UBE4B: variants seen among roughly 807,000 people sequenced by gnomAD.
UBE4B encodes the protein ubiquitination factor E4B, also known as ubiquitin conjugation factor E4 B.
Under a neutral mutation model 148.1 loss-of-function variants are expected in UBE4B, and 27 were observed. That is an observed-to-expected ratio of 0.18 (90% confidence interval 0.13 to 0.25). The LOEUF (loss-of-function observed/expected upper bound fraction) is 0.25. Ranked by LOEUF, UBE4B falls within the 10% of genes least tolerant of loss-of-function variation. The pLI is 1.00. For missense variants in UBE4B, 1,170 were observed against 1,662.4 expected, an observed-to-expected ratio of 0.70 and a Z score of 5.15; for synonymous variants, 596 against 619.3, an observed-to-expected ratio of 0.96 and a Z score of 0.56.
At chr1:10,043,469 C>T in intron 1 of UBE4B, among the ~76,000 whole-genome samples, 1 of 146,758 alleles carries the variant, frequency 6.8e-6, no homozygotes. Flanking sequence ...TCTTGTCACC[C>T]AGGCTGGAGT....
At chr1:10,127,091 C>T (rs1371178208) in intron 11 of UBE4B, among the ~76,000 whole-genome samples, 1 of 151,970 alleles carries the variant, frequency 6.6e-6, no homozygotes, top group African/African-American at 2.4e-5. Context: ...CTATCCAAGT[C>T]CTAGACAGGA....
intron 18 of UBE4B, 153 bp downstream of exon 18, chr1:10,145,192 A>G (rs1645849017): frequency 1.8e-6 from 1 of 548,456 alleles, no homozygotes; most frequent in African/African-American, 1.9e-5. Flanking sequence ...AAACTTGTTG[A>G]TACCTTACTT....
At chr1:10,067,813 C>T (rs1382724161) in intron 1 of UBE4B, among the ~76,000 whole-genome samples, 2 of 151,976 alleles carry the variant, frequency 1.3e-5, no homozygotes, top group African/African-American at 4.8e-5. Context: ...CTGCAAGCTC[C>T]GCCTCCTGGG....
chr1:10,135,183 C>T lies in UBE4B; in HGVS notation c.2221C>T (p.Leu741Phe). ...AGATGTGAATGACTGGCTGACTGAA[C>T]TCTGTGAGTACTGTGTTCGTGACTC... ...MEDVNDWLTE[L>F]YGDQPPFSEP... is the part of the protein sequence containing the mutation. The change falls in exon 16 of 28, where the codon CTC becomes TTC. Residue 741 changes from leucine to phenylalanine, a missense_variant. By Grantham distance (22) the Leu-to-Phe change is conservative (BLOSUM62 0). Around this residue, in one of 6 missense-constraint regions of UBE4B, gnomAD observed 388 missense variants for 536.0 expected, o/e 0.72. Transcript: ENST00000343090. 1 of 1,612,954 alleles carries T rather than the reference C, an allele frequency of 6.2e-7. No individual in the cohort carries two copies. Among genetic ancestry groups the T allele is most frequent in the Non-Finnish European group, 8.5e-7 (1 of 1,179,370 alleles).
chr1:10,179,451 C>T lies in UBE4B; in HGVS notation c.3736C>T (p.Arg1246Trp). ...GGACACCCTCATGACAGACCCCGTG[C>T]GGCTGCCCTCTGGCACCATCATGGA... is the stretch of plus-strand genomic sequence containing the variant. ...LMDTLMTDPV[R>W]LPSGTIMDRS... is the part of the protein sequence containing the mutation. The change falls in exon 27 of 28, where the codon CGG (arginine) becomes TGG (tryptophan). Residue 1246 changes from arginine to tryptophan, a missense_variant. Arg to Trp is a moderately radical substitution (Grantham distance 101). This residue lies in a region of UBE4B where 348 missense variants were observed against 627.2 expected (regional missense o/e 0.55). Transcript: ENST00000343090. 6.2e-7 allele frequency: 1 copy of T among 1,614,002 alleles called. No individual in the cohort carries two copies. The highest frequency in any genetic ancestry group is 8.5e-7 in the Non-Finnish European group (1 of 1,180,022).
intron 19 of UBE4B, 54 bp downstream of exon 19, chr1:10,147,144 CT>C: frequency 6.2e-7 from 1 of 1,606,952 alleles, no homozygotes; most frequent in East Asian, 2.2e-5. Flanking sequence ...GCTCTGTTGT[CT>C]TTATTGTCCT....
At chr1:10,169,859 A>G (rs1358300145) in intron 24 of UBE4B, among the ~76,000 whole-genome samples, 1 of 152,212 alleles carries the variant, frequency 6.6e-6, no homozygotes, top group Non-Finnish European at 1.5e-5. Context: ...TACTAAAAAT[A>G]CAAAAATTAG....
intron 21 of UBE4B, among the ~76,000 whole-genome samples, chr1:10,157,732 G>A (rs1412423100): frequency 3.3e-5 from 5 of 152,096 alleles, no homozygotes; most frequent in African/African-American, 1.2e-4. Context: ...AGCTGAGATC[G>A]TGCTACTGCA....
At chr1:10,096,215 T>C (rs749787384) in intron 3 of UBE4B, among the ~76,000 whole-genome samples, 4 of 152,202 alleles carry the variant, frequency 2.6e-5, no homozygotes. Context: ...TTTAAAAGTT[T>C]GGAATATTTC....
At chr1:10,057,648 C>T (rs1644200379) in intron 1 of UBE4B, among the ~76,000 whole-genome samples, 2 of 150,040 alleles carry the variant, frequency 1.3e-5, no homozygotes, top group Admixed American at 1.3e-4. Flanking sequence ...TCAAGCAGTC[C>T]TCCCCAGGGA....
Position 10,082,449 on chromosome 1 carries a change from C to T in UBE4B, c.211+10235C>T, listed in dbSNP as rs72861427. On this transcript the variant is annotated intron_variant, in intron 2 of 27. Coordinates refer to ENST00000343090, the MANE Select transcript of UBE4B (RefSeq NM_001105562.3). ...CTGGGAAGTAGAGGTAGCAGTGAGCCGAAATTGTGCCATGCACTCCAGCCT... is the reference window on the plus strand; with the variant it reads ...CTGGGAAGTAGAGGTAGCAGTGAGCTGAAATTGTGCCATGCACTCCAGCCT... Among the ~76,000 whole-genome samples, 1,288 of 151,852 alleles carry T rather than the reference C, an allele frequency of 8.5e-3. 27 individuals are homozygous for T. The highest frequency in any genetic ancestry group is 0.03 in the African/African-American group (1,242 of 41,382).
At chr1:10,139,816 C>T (rs1322206108) in intron 17 of UBE4B, among the ~76,000 whole-genome samples, 1 of 152,194 alleles carries the variant, frequency 6.6e-6, no homozygotes, top group East Asian at 1.9e-4. Flanking sequence ...TCAACCTCTG[C>T]CTCCCAGGTT....
chr1:10,055,244 A>C (rs1421868295), intron 1 of UBE4B, among the ~76,000 whole-genome samples: 6 of 152,026 alleles, frequency 3.9e-5, no homozygotes. Context: ...ATGCTTGTGA[A>C]AATGTCTCGT....
Position 10,051,564 on chromosome 1 carries a change from T to G in UBE4B, c.24+17870T>G, listed in dbSNP as rs984657477. Among the ~76,000 whole-genome samples, 29 of 152,326 alleles carry G rather than the reference T, an allele frequency of 1.9e-4. No individual in the cohort carries two copies. In the East Asian group the frequency reaches 5.2e-3, roughly 27 times the overall value. On this transcript the variant is annotated intron_variant, in intron 1 of 27. Transcript: ENST00000343090. ...CCGACCCATTAGTTCCAAAAATCTCTTCTCACCCAGGGGCCATCTTTTGTA... is the reference window on the plus strand; with the variant it reads ...CCGACCCATTAGTTCCAAAAATCTCGTCTCACCCAGGGGCCATCTTTTGTA...
At position 10,161,340 on chromosome 1, in the gene UBE4B, C is replaced by T. The variant is rs1238696149; in HGVS notation, c.3198+54C>T. 30 of 1,589,926 alleles carry T rather than the reference C, an allele frequency of 1.9e-5. No individual in the cohort carries two copies. The highest frequency in any genetic ancestry group is 2.3e-5 in the Non-Finnish European group (27 of 1,164,240). ...GCTTTGCAGGCCATCTGCCTCCACA[C>T]ACGGGCAGAGCTGCTTTGGGGCTGC... On this transcript the variant is annotated intron_variant, in intron 23 of 27. Transcript: ENST00000343090. The surrounding 1 kb of genome is among the most constrained non-coding windows in gnomAD (Gnocchi z 4.1).
intron 1 of UBE4B, among the ~76,000 whole-genome samples, chr1:10,046,818 A>G (rs1012036702): frequency 3.3e-5 from 5 of 152,166 alleles, no homozygotes; most frequent in Admixed American, 6.6e-5. Flanking sequence ...CTTAGCCCCA[A>G]ATTACCAGAC....
chr1:10,073,103 A>G (rs909480096), intron 2 of UBE4B: 2 of 152,290 alleles, frequency 1.3e-5, no homozygotes, highest in African/African-American at 4.8e-5. Flanking sequence ...GTAATAAAGA[A>G]GATCCTTGCC....
chr1:10,038,462 A>G (rs1424804317), intron 1 of UBE4B, among the ~76,000 whole-genome samples: 1 of 152,142 alleles, frequency 6.6e-6, no homozygotes, highest in Admixed American at 6.6e-5. Context: ...AAAACATTAT[A>G]ATCAAGCAGG....
chr1:10,154,173 G>A (rs544444847), intron 21 of UBE4B, among the ~76,000 whole-genome samples: 1 of 152,268 alleles, frequency 6.6e-6, no homozygotes, highest in African/African-American at 2.4e-5. Flanking sequence ...AACCCGGGAG[G>A]CAGAGGTTGC....
Sources: allele counts gnomAD v4.1 joint callset (sites outside exome capture counted in the v4.1 genomes callset), GRCh38; gene constraint gnomAD v4.1.1; regional missense constraint gnomAD v4.1.1; non-coding constraint Gnocchi (gnomAD v3.1); transcripts MANE v1.5; gene names NCBI Gene and HGNC (gene_info 2026-07-23, HGNC 2026-07-21).